The following ING5 variants were observed in gnomAD, a reference collection of about 807,000 sequenced individuals.
ING5 encodes inhibitor of growth family member 5, also known as inhibitor of growth protein 5.
ING5 carries 17 observed loss-of-function variants against 37.4 expected under a neutral mutation model. The ratio of observed to expected loss-of-function variants is 0.45; its 90% confidence interval spans 0.31 to 0.68. The LOEUF (loss-of-function observed/expected upper bound fraction) is 0.68. Ranked by LOEUF, ING5 falls within the 30% of genes least tolerant of loss-of-function variation. The pLI, the probability that ING5 is intolerant of heterozygous loss-of-function variation, is 0.05. For missense variants in ING5, 233 were observed against 311.9 expected (o/e 0.75, Z 1.91); for synonymous variants, 123 against 116.6 (o/e 1.06, Z -0.36).
At position 241,728,862 on chromosome 2, in the gene ING5, G is replaced by C. The variant is rs1398285895; in HGVS notation, c.*3831G>C. 6.6e-6 allele frequency: 1 copy of C among 152,280 alleles called. No individual in the cohort carries two copies. Among genetic ancestry groups the C allele is most frequent in the Non-Finnish European group, 1.5e-5 (1 of 68,074 alleles). 9.4% of individuals were successfully genotyped at this position (152,280 alleles called of 1,614,324 possible). On this transcript the variant is annotated 3_prime_UTR_variant, in exon 8 of 8. Transcript: ENST00000313552. ...CAGCGAGAAGCAGCTGTGCAGACTG[G>C]TGGCGGTGGGAGGGTTTGCTGGGAC...
At chr2:241,693,140 T>G (rs550664285) in intron 2 of ING5, among the ~76,000 whole-genome samples, 2 of 149,768 alleles carry the variant, frequency 1.3e-5, no homozygotes, top group East Asian at 4.0e-4. Flanking sequence ...GCGCCTGTAA[T>G]CCCAGCTACT....
intron 3 of ING5, among the ~76,000 whole-genome samples, chr2:241,710,712 G>A (rs1030792784): frequency 2.0e-5 from 3 of 152,052 alleles, no homozygotes; most frequent in Admixed American, 6.6e-5. Flanking sequence ...CTGAACTCCC[G>A]ACCTCAGGTG....
upstream of ING5, among the ~76,000 whole-genome samples, chr2:241,700,159 T>TG (rs1288831315): frequency 1.4e-5 from 2 of 145,588 alleles, no homozygotes; most frequent in Admixed American, 6.9e-5. Context: ...AGTTTTTTTT[T>TG]TTTTTTTTTT....
chr2:241,722,082 C>T (rs1374017216), intron 5 of ING5: 1 of 985,212 alleles, frequency 1.0e-6, no homozygotes, highest in Non-Finnish European at 1.2e-6. Flanking sequence ...AGTATTGGGG[C>T]AGAGGTGCCT....
At chr2:241,687,474 G>C (rs902036693) in exon 1 of ING5, 2 of 398,152 alleles carry the variant, frequency 5.0e-6, no homozygotes, top group Non-Finnish European at 8.9e-6. Flanking sequence ...AATGTTCACT[G>C]TTGTCCCTGA....
At chr2:241,690,457 TC>T (rs2069533004) in exon 2 of ING5, 2 of 394,234 alleles carry the variant, frequency 5.1e-6, no homozygotes, top group East Asian at 7.2e-5. Flanking sequence ...CTCTTGGTGT[TC>T]CTGCGTGATC....
At chr2:241,705,571 G>A (rs1183270211) in intron 2 of ING5, among the ~76,000 whole-genome samples, 2 of 150,138 alleles carry the variant, frequency 1.3e-5, no homozygotes, top group African/African-American at 4.9e-5. Flanking sequence ...CTAATTTTTT[G>A]TATTTTTAGT....
chr2:241,701,952 C>T, upstream of ING5: 1 of 590,454 alleles, frequency 1.7e-6, no homozygotes, highest in Non-Finnish European at 2.4e-6. Context: ...CGCCCCCGGG[C>T]GCGACCAATC....
chr2:241,698,496 A>AGTGTGTGTGT (rs199798593), upstream of ING5, among the ~76,000 whole-genome samples: 28 of 147,524 alleles, frequency 1.9e-4, no homozygotes, highest in South Asian at 3.1e-3. Context: ...ATAATAGAGG[A>AGTGTGTGTGT]GTGTGTGTGT....
At chr2:241,724,722 C>T (rs143709267) in intron 7 of ING5, 7 of 529,270 alleles carry the variant, frequency 1.3e-5, no homozygotes, top group Non-Finnish European at 2.0e-5. Flanking sequence ...GAAGGACCCA[C>T]CTGTTAAGGA....
chr2:241,720,875 C>G, intron 5 of ING5: 1 of 985,720 alleles, frequency 1.0e-6, no homozygotes, highest in Non-Finnish European at 1.2e-6. Flanking sequence ...CACGCCATGG[C>G]GCTCCCTCAG....
intron 2 of ING5, among the ~76,000 whole-genome samples, chr2:241,696,478 C>T (rs1441331025): frequency 6.6e-6 from 1 of 151,986 alleles, no homozygotes; most frequent in Non-Finnish European, 1.5e-5. Context: ...AGTAAAAGAA[C>T]AACCCCATGA....
At chr2:241,707,657 G>A (rs2069964658) in intron 2 of ING5, among the ~76,000 whole-genome samples, 1 of 152,144 alleles carries the variant, frequency 6.6e-6, no homozygotes, top group Admixed American at 6.5e-5. Context: ...TCTTGACTAG[G>A]GAATACAGAG....
chr2:241,701,985 T>C, upstream of ING5: 1 of 1,045,980 alleles, frequency 9.6e-7, no homozygotes, highest in Admixed American at 4.4e-5. Flanking sequence ...TCATGAATAG[T>C]GAGCGCGCTG....
chr2:241,696,193 C>T (rs2069627007), intron 2 of ING5, among the ~76,000 whole-genome samples: 1 of 152,090 alleles, frequency 6.6e-6, no homozygotes, highest in African/African-American at 2.4e-5. Flanking sequence ...AGTTCGAGAC[C>T]AGCCTGGCCA....
chr2:241,702,954 C>T (rs990837142), intron 1 of ING5, among the ~76,000 whole-genome samples: 1 of 152,186 alleles, frequency 6.6e-6, no homozygotes, highest in Admixed American at 6.5e-5. Context: ...TCCTCATGGT[C>T]TTCGGCCTGG....
At chr2:241,723,164 C>T (rs1336353130) in intron 6 of ING5, 46 bp from the exon 7 acceptor site, 8 of 1,613,372 alleles carry the variant, frequency 5.0e-6, no homozygotes, top group South Asian at 3.3e-5. Flanking sequence ...GTTTTGCATA[C>T]AGAACATGAG....
chr2:241,687,911 C>T (rs1013447187), exon 1 of ING5: 1 of 152,218 alleles, frequency 6.6e-6, no homozygotes, highest in African/African-American at 2.4e-5. Context: ...GCCTCCAACT[C>T]CTCTGAAATG....
At chr2:241,695,340 A>G (rs1388116468) in intron 2 of ING5, among the ~76,000 whole-genome samples, 1 of 151,934 alleles carries the variant, frequency 6.6e-6, no homozygotes, top group Admixed American at 6.6e-5. Flanking sequence ...GTCACACTGG[A>G]CAGGACAGTC....
Sources: allele counts gnomAD v4.1 joint callset (sites outside exome capture counted in the v4.1 genomes callset), GRCh38; gene constraint gnomAD v4.1.1; transcripts MANE v1.5; gene names NCBI Gene and HGNC (gene_info 2026-07-23, HGNC 2026-07-21).